The following SERPINI1 variants were observed in gnomAD, a reference collection of about 807,000 sequenced individuals.
SERPINI1 encodes neuroserpin.
Under a neutral mutation model 41.1 loss-of-function variants are expected in SERPINI1, and 19 were observed. The observed-to-expected ratio is 0.46, with a 90% confidence interval of 0.32 to 0.68. The LOEUF is 0.68. Among genes scored for constraint, SERPINI1 ranks in the 30% least tolerant of loss-of-function variants. The probability of loss-of-function intolerance (pLI) is 0.03; values close to 1 mark genes in which losing one functional copy is unlikely to be tolerated. For synonymous variants in SERPINI1, 138 were observed against 156.6 expected (o/e 0.88, Z 0.89); for missense variants, 460 against 479.2 (o/e 0.96, Z 0.37).
chr3:167,790,483 A>C lies in SERPINI1; in HGVS notation c.362A>C (p.Asn121Thr), dbSNP rs767873036. The change falls in exon 3 of 9, where the codon AAT (asparagine) becomes ACT (threonine). Residue 121 changes from asparagine to threonine, a missense_variant. By Grantham distance (65) the Asn-to-Thr change is moderately conservative. Transcript: ENST00000446050. ...TTTGTGCAAAATGGATTTCATGTCAATGAGGAGTTTTTGCAAATGATGAAA... is the reference window on the plus strand; with the variant it reads ...TTTGTGCAAAATGGATTTCATGTCACTGAGGAGTTTTTGCAAATGATGAAA... ...SLFVQNGFHV[N>T]EEFLQMMKKY... 6.2e-7 allele frequency: 1 copy of C among 1,614,058 alleles called. No homozygotes were observed. Among genetic ancestry groups the C allele is most frequent in the East Asian group, 2.2e-5 (1 of 44,868 alleles).
At chr3:167,748,331 C>T (rs1424134960) in intron 1 of SERPINI1, among the ~76,000 whole-genome samples, 2 of 152,086 alleles carry the variant, frequency 1.3e-5, no homozygotes, top group Admixed American at 6.5e-5. Flanking sequence ...AAATGTAAGG[C>T]AGCTATATTT....
chr3:167,742,658 A>AC (rs1725716915), intron 1 of SERPINI1, among the ~76,000 whole-genome samples: 14 of 152,294 alleles, frequency 9.2e-5, no homozygotes, highest in Admixed American at 2.6e-4. Flanking sequence ...GGAAGTGGAG[A>AC]TATCAAAGAC....
At position 167,756,880 on chromosome 3, in the gene SERPINI1, G is replaced by A. The variant is rs188801637; in HGVS notation, c.-19+21057G>A. On this transcript the variant is annotated intron_variant, in intron 1 of 8. Coordinates refer to ENST00000446050, the MANE Select transcript of SERPINI1 (RefSeq NM_001122752.2). ...AGACTTTATAAATAATGTATTCTGC[G>A]TCTCAGCTGACTCTTCGTTATGTCA... Among the ~76,000 whole-genome samples, 14 of 152,176 alleles carry A rather than the reference G, an allele frequency of 9.2e-5. No individual in the cohort carries two copies. The East Asian group carries it at 1.2e-3, about 13-fold the overall frequency.
intron 1 of SERPINI1, among the ~76,000 whole-genome samples, chr3:167,776,631 G>A (rs1048173002): frequency 6.6e-6 from 1 of 152,182 alleles, no homozygotes; most frequent in African/African-American, 2.4e-5. Context: ...CCAATGTTAG[G>A]AAAAGTTGAT....
chr3:167,773,676 G>C (rs1726866304), intron 1 of SERPINI1, among the ~76,000 whole-genome samples: 1 of 152,148 alleles, frequency 6.6e-6, no homozygotes, highest in Admixed American at 6.5e-5. Flanking sequence ...GTTTCTTTTA[G>C]AAATACCTCT....
At chr3:167,741,253 G>A (rs1275240148) in intron 1 of SERPINI1, among the ~76,000 whole-genome samples, 4 of 152,176 alleles carry the variant, frequency 2.6e-5, no homozygotes, top group Admixed American at 2.0e-4. Flanking sequence ...CAGATGAAAT[G>A]TTTTTCATTT....
intron 2 of SERPINI1, among the ~76,000 whole-genome samples, chr3:167,789,708 T>TGTAC (rs1727434714): frequency 6.6e-6 from 1 of 152,164 alleles, no homozygotes; most frequent in South Asian, 2.1e-4. Context: ...AAATTACAAA[T>TGTAC]ATGATGAGTA....
In SERPINI1 at chr3:167,755,855, T is replaced by C. The variant is rs1726177601; in HGVS notation, c.-19+20032T>C. On this transcript the variant is annotated intron_variant, in intron 1 of 8. Transcript: ENST00000446050. ...CTGCAGACCCCAGCTGCATGACGGA[T>C]GAATAACGTACTCAGACACTGATAT... Among the ~76,000 whole-genome samples the C allele has an allele frequency of 2.0e-5, 3 of 148,046 alleles. No homozygotes were observed. The South Asian group carries it at 6.4e-4, about 31-fold the overall frequency.
chr3:167,741,146 A>T (rs1398046298), intron 1 of SERPINI1, among the ~76,000 whole-genome samples: 2 of 152,154 alleles, frequency 1.3e-5, no homozygotes, highest in African/African-American at 4.8e-5. Context: ...CTTACAGGGT[A>T]CCTTCAGTTT....
chr3:167,800,316 G>A (rs577678644), intron 5 of SERPINI1, among the ~76,000 whole-genome samples: 25 of 152,114 alleles, frequency 1.6e-4, no homozygotes, highest in Non-Finnish European at 2.6e-4. Flanking sequence ...CTGCTACAGC[G>A]TAAGCATTAT....
chr3:167,776,235 G>T (rs1726965561), intron 1 of SERPINI1, among the ~76,000 whole-genome samples: 1 of 152,188 alleles, frequency 6.6e-6, no homozygotes, highest in African/African-American at 2.4e-5. Flanking sequence ...TTTGTCTTAG[G>T]GCTTGTGTGT....
intron 4 of SERPINI1, among the ~76,000 whole-genome samples, chr3:167,793,596 A>ATTTTTTTTTTTTTTT (rs141371005): frequency 7.1e-6 from 1 of 140,610 alleles, no homozygotes; most frequent in African/African-American, 2.7e-5. Flanking sequence ...ATATATATAT[A>ATTTTTTTTTTTTTTT]TTTTTAATTA....
intron 1 of SERPINI1, among the ~76,000 whole-genome samples, chr3:167,767,125 C>T (rs953618478): frequency 6.6e-6 from 1 of 152,200 alleles, no homozygotes; most frequent in African/African-American, 2.4e-5. Context: ...CAGGCTGACT[C>T]TCATTATGGG....
intron 6 of SERPINI1, among the ~76,000 whole-genome samples, chr3:167,818,289 A>G (rs1312822451): frequency 2.0e-5 from 3 of 151,858 alleles, no homozygotes; most frequent in Non-Finnish European, 4.4e-5. Flanking sequence ...TAGCCTCCCA[A>G]AGTGCTGGGA....
At chr3:167,787,128 A>G (rs1394796278) in intron 1 of SERPINI1, among the ~76,000 whole-genome samples, 2 of 152,288 alleles carry the variant, frequency 1.3e-5, no homozygotes, top group Non-Finnish European at 2.9e-5. Context: ...TGATCAGGTT[A>G]ATCAACATCA....
intron 5 of SERPINI1, among the ~76,000 whole-genome samples, chr3:167,801,009 G>A (rs916178174): frequency 6.6e-6 from 1 of 152,144 alleles, no homozygotes; most frequent in Non-Finnish European, 1.5e-5. Context: ...GTAGAGATGG[G>A]TTTTTGCCAT....
chr3:167,799,253 T>C (rs1197111965), intron 5 of SERPINI1, among the ~76,000 whole-genome samples: 7 of 152,176 alleles, frequency 4.6e-5, no homozygotes, highest in Admixed American at 1.3e-4. Context: ...CCATGCATTC[T>C]TATTGTTCAA....
intron 1 of SERPINI1, among the ~76,000 whole-genome samples, chr3:167,752,051 C>T (rs991595355): frequency 6.6e-6 from 1 of 152,114 alleles, no homozygotes; most frequent in African/African-American, 2.4e-5. Flanking sequence ...TAGTAATAAA[C>T]ATGCATTGTG....
At chr3:167,739,111 C>CTT (rs79245847) in intron 1 of SERPINI1, among the ~76,000 whole-genome samples, 2 of 115,588 alleles carry the variant, frequency 1.7e-5, no homozygotes, top group Non-Finnish European at 3.8e-5. Flanking sequence ...TTTGTTGTTT[C>CTT]TTTTTTTTTT....
Sources: gnomAD v4.1 joint callset for allele counts (sites outside exome capture counted in the v4.1 genomes callset) on GRCh38, gnomAD v4.1.1 for gene constraint, MANE v1.5 for transcripts, NCBI Gene and HGNC (gene_info 2026-07-23, HGNC 2026-07-21) for gene names.